Variants in JOSD1 observed in about 807,000 individuals in gnomAD.
JOSD1 encodes Josephin domain containing 1.
Under a neutral mutation model 24.3 loss-of-function variants are expected in JOSD1, and 11 were observed. The ratio of observed to expected loss-of-function variants is 0.45; its 90% CI spans 0.29 to 0.75. The LOEUF (loss-of-function observed/expected upper bound fraction) is 0.75, where lower values mean the gene tolerates loss of function less well. Among genes scored for constraint, JOSD1 ranks in the 30% least tolerant of loss-of-function variants. The pLI is 0.11. For missense variants in JOSD1, 184 were observed against 253.5 expected, an observed-to-expected ratio of 0.73 and a Z score of 1.86; for synonymous variants, 106 against 93.8, an observed-to-expected ratio of 1.13 and a Z score of -0.75.
Position 38,700,914 on chromosome 22 carries a change from C to A in JOSD1, c.-746G>T. The A allele has an allele frequency of 1.0e-6, 1 of 984,526 alleles. No individual in the cohort carries two copies. Among genetic ancestry groups the A allele is most frequent in the Non-Finnish European group, 1.2e-6 (1 of 829,644 alleles). The allele number at this position is 984,526 out of a possible 1,614,324, so 61.0% of individuals were successfully genotyped here. On this transcript the variant is annotated 5_prime_UTR_variant, in exon 1 of 5. Coordinates refer to ENST00000683374, the MANE Select transcript of JOSD1 (RefSeq NM_001360236.2). The stretch of plus-strand genomic sequence containing the variant: ...TGGCGGTCCCCTCACCGCAGCCGGC[C>A]GCCACCTGGAGTGCGCGCCGCCAAC...
chr22:38,695,341 C>T (rs1288237267), intron 2 of JOSD1, among the ~76,000 whole-genome samples: 1 of 152,054 alleles, frequency 6.6e-6, no homozygotes, highest in African/African-American at 2.4e-5. Context: ...TAGTCATCCT[C>T]TGTGGTAGAG....
Position 38,700,921 on chromosome 22 carries a change from T to C in JOSD1, c.-753A>G, listed in dbSNP as rs2092567347. On this transcript the variant is annotated 5_prime_UTR_variant, in exon 1 of 5. Coordinates refer to ENST00000683374, the MANE Select transcript of JOSD1 (RefSeq NM_001360236.2). The stretch of plus-strand genomic sequence containing the variant: ...CCCCTCACCGCAGCCGGCCGCCACC[T>C]GGAGTGCGCGCCGCCAACTGGGCCG... 1.0e-6 allele frequency: 1 copy of C among 984,248 alleles called. No individual in the cohort carries two copies. Among genetic ancestry groups the C allele is most frequent in the Non-Finnish European group, 1.2e-6 (1 of 829,474 alleles). The allele number at this position is 984,248 out of a possible 1,614,324, so 61.0% of individuals were successfully genotyped here.
chr22:38,697,697 A>G (rs1004112590), intron 2 of JOSD1, among the ~76,000 whole-genome samples: 7 of 152,292 alleles, frequency 4.6e-5, no homozygotes, highest in Non-Finnish European at 2.9e-5. Flanking sequence ...TGCCATCAAT[A>G]GCTGTGAACT....
At position 38,687,896 on chromosome 22, in the gene JOSD1, G is replaced by C. The variant is rs748878515; in HGVS notation, c.*6C>G. On this transcript the variant is annotated 3_prime_UTR_variant, in exon 5 of 5. Transcript: ENST00000683374. ...GCTGAGGCGAGAGGGAGGTTGGGCAGAACTGTTACACATCGGTCCTCCAAC... is the reference window on the plus strand; with the variant it reads ...GCTGAGGCGAGAGGGAGGTTGGGCACAACTGTTACACATCGGTCCTCCAAC... The C allele has an allele frequency of 1.2e-6, 2 of 1,603,234 alleles. No homozygotes were observed. The highest frequency in any genetic ancestry group is 1.1e-5 in the South Asian group (1 of 90,830).
chr22:38,700,514 C>A lies in JOSD1; in HGVS notation c.-527G>T, dbSNP rs2092564057. On this transcript the variant is annotated 5_prime_UTR_variant, in exon 2 of 5. Coordinates refer to ENST00000683374, the MANE Select transcript of JOSD1 (RefSeq NM_001360236.2). The stretch of plus-strand genomic sequence containing the variant: ...GGGCCGGCAGGCGTGGGACCGCGAG[C>A]CGCGCGGGGGCCTCGGGGGCAGCCC... 4.1e-6 allele frequency: 4 copies of A among 985,982 alleles called. No homozygotes were observed. The highest frequency in any genetic ancestry group is 4.8e-6 in the Non-Finnish European group (4 of 830,422). The allele number at this position is 985,982 out of a possible 1,614,324, so 61.1% of individuals were successfully genotyped here. A position where few individuals can be genotyped will look rare whatever the true frequency, so the allele number is the denominator to read the frequency against.
intron 2 of JOSD1, among the ~76,000 whole-genome samples, chr22:38,692,119 T>C (rs536992025): frequency 1.3e-5 from 2 of 152,314 alleles, no homozygotes; most frequent in East Asian, 1.9e-4. Flanking sequence ...ATAATAACTA[T>C]AACTTATTGA....
rs2092499461 is a variant in JOSD1, at chr22:38,686,678, C to T, written c.*1224G>A. ...ACAGAACCACCCAACCTGAGCTTGG[C>T]AACTACAGTGGCAGCCTCCGAGCCT... On this transcript the variant is annotated 3_prime_UTR_variant, in exon 5 of 5. Transcript: ENST00000683374. The T allele has an allele frequency of 6.6e-6, 1 of 152,252 alleles. No individual in the cohort carries two copies. Among genetic ancestry groups the T allele is most frequent in the Admixed American group, 6.5e-5 (1 of 15,278 alleles). 9.4% of individuals were successfully genotyped at this position (152,252 alleles called of 1,614,324 possible). A position where few individuals can be genotyped will look rare whatever the true frequency, so the allele number is the denominator to read the frequency against.
At chr22:38,692,802 A>AAAAG (rs1374054947) in intron 2 of JOSD1, among the ~76,000 whole-genome samples, 3 of 150,784 alleles carry the variant, frequency 2.0e-5, no homozygotes, top group South Asian at 2.1e-4. Context: ...AAAAAAAAAA[A>AAAAG]AAAGAAAGAA....
intron 2 of JOSD1, among the ~76,000 whole-genome samples, chr22:38,693,881 A>C (rs1395428514): frequency 6.6e-6 from 1 of 152,242 alleles, no homozygotes; most frequent in Non-Finnish European, 1.5e-5. Flanking sequence ...GCACCGATCA[A>C]CACTAACTGT....
intron 2 of JOSD1, among the ~76,000 whole-genome samples, chr22:38,699,036 G>A (rs2092556668): frequency 1.3e-5 from 2 of 152,118 alleles, no homozygotes; most frequent in Admixed American, 6.6e-5. Flanking sequence ...GGATTACACC[G>A]TACTTGGCCA....
chr22:38,689,363 C>T lies in JOSD1; in HGVS notation c.247G>A (p.Asp83Asn), dbSNP rs773785700. The part of the protein sequence containing the change: ...KKSMLGNGNY[D>N]VNVIMAALQT... ...AGTGCTGCCATAATGACATTCACAT[C>T]GTAGTTGCCATTTCCCAGCATGCTC... Residue 83 changes from aspartate to asparagine, a missense_variant, in exon 3 of 5, where the codon GAT becomes AAT. By Grantham distance (23) the Asp-to-Asn change is conservative. Transcript: ENST00000683374. The T allele has an allele frequency of 1.2e-6, 2 of 1,614,194 alleles. No individual in the cohort carries two copies. The highest frequency in any genetic ancestry group is 1.7e-6 in the Non-Finnish European group (2 of 1,180,034).
rs188535915 is a variant in JOSD1, at chr22:38,692,365, A to G, written c.186-2941T>C. The stretch of plus-strand genomic sequence containing the variant: ...GTCTTACAGCAAGGACCCAAGAATC[A>G]GAGTGGCAGGGGATGGGGGCTTGAA... On this transcript the variant is annotated intron_variant, in intron 2 of 4. Coordinates refer to ENST00000683374, the MANE Select transcript of JOSD1 (RefSeq NM_001360236.2). 2.9e-4 allele frequency among the ~76,000 whole-genome samples: 44 copies of G among 152,332 alleles called. No individual in the cohort carries two copies. In the East Asian group the frequency reaches 7.9e-3, roughly 27 times the overall value.
At chr22:38,689,626 G>A (rs1026251065) in intron 2 of JOSD1, among the ~76,000 whole-genome samples, 1 of 151,494 alleles carries the variant, frequency 6.6e-6, no homozygotes, top group African/African-American at 2.4e-5. Flanking sequence ...CCAGCCTCCT[G>A]CAGCCTTTCT....
Position 38,699,796 on chromosome 22 carries a change from C to A in JOSD1, c.185+7G>T. 4 of 1,613,856 alleles carry A rather than the reference C, an allele frequency of 2.5e-6. No individual in the cohort carries two copies. The East Asian group carries it at 8.9e-5, about 36-fold the overall frequency. On this transcript the variant is annotated splice_region_variant and intron_variant, in intron 2 of 4. Coordinates refer to ENST00000683374, the MANE Select transcript of JOSD1 (RefSeq NM_001360236.2). ...GTATCAAGATGCCAAGGAGAAGGGTCCCCTACCTCTGGAAAATCTCTTGCA... is the reference window on the plus strand; with the variant it reads ...GTATCAAGATGCCAAGGAGAAGGGTACCCTACCTCTGGAAAATCTCTTGCA...
chr22:38,695,796 G>A (rs907226119), intron 2 of JOSD1, among the ~76,000 whole-genome samples: 5 of 150,960 alleles, frequency 3.3e-5, no homozygotes, highest in Non-Finnish European at 5.9e-5. Context: ...GGTGGCTCAC[G>A]CCTGTAATCC....
chr22:38,696,094 G>C (rs1221157057), intron 2 of JOSD1, among the ~76,000 whole-genome samples: 1 of 152,140 alleles, frequency 6.6e-6, no homozygotes, highest in Non-Finnish European at 1.5e-5. Context: ...GAGGAATGCA[G>C]AACTAGATGT....
chr22:38,688,478 G>T (rs2092507750), intron 4 of JOSD1, among the ~76,000 whole-genome samples: 1 of 152,142 alleles, frequency 6.6e-6, no homozygotes, highest in Admixed American at 6.5e-5. Flanking sequence ...GGTCAGGCTG[G>T]TCTCGAACTC....
chr22:38,690,627 G>A (rs866886073), intron 2 of JOSD1, among the ~76,000 whole-genome samples: 1 of 151,886 alleles, frequency 6.6e-6, no homozygotes, highest in Admixed American at 6.6e-5. Flanking sequence ...GGTTGGTCTC[G>A]AACTCCTAAC....
chr22:38,691,366 GAA>G (rs370232425), intron 2 of JOSD1, among the ~76,000 whole-genome samples: 9 of 109,158 alleles, frequency 8.2e-5, no homozygotes, highest in African/African-American at 3.0e-4. Context: ...CAAAAAAAAA[GAA>G]AAAAAAAAAA....
Sources: gnomAD v4.1 joint callset for allele counts (sites outside exome capture counted in the v4.1 genomes callset) on GRCh38, gnomAD v4.1.1 for gene constraint, MANE v1.5 for transcripts, NCBI Gene and HGNC (gene_info 2026-07-23, HGNC 2026-07-21) for gene names.